The following PRIM2 variants were observed in gnomAD, a reference collection of about 807,000 sequenced individuals.
PRIM2 encodes DNA primase large subunit.
In PRIM2, 39 loss-of-function variants were observed where a neutral mutation model predicts 67.3. That is an observed-to-expected ratio of 0.58 (90% confidence interval 0.45 to 0.76). PRIM2 has a LOEUF of 0.76. Ranked by LOEUF, PRIM2 falls within the 30% of genes least tolerant of loss-of-function variation. The probability of loss-of-function intolerance (pLI) is 0.00; values close to 1 mark genes in which losing one functional copy is unlikely to be tolerated. For missense variants in PRIM2, 398 were observed against 598.7 expected, an observed-to-expected ratio of 0.66 and a Z score of 3.50; for synonymous variants, 143 against 198.7, an observed-to-expected ratio of 0.72 and a Z score of 2.36.
At chr6:57,507,504 AG>A (rs1774274432) in intron 8 of PRIM2, 50 bp downstream of exon 8, 1 of 1,463,514 alleles carries the variant, frequency 6.8e-7, no homozygotes, top group Non-Finnish European at 9.2e-7. Flanking sequence ...AGTGCAGTAA[AG>A]TGAATAAAGT....
intron 12 of PRIM2, among the ~76,000 whole-genome samples, chr6:57,615,418 CT>C (rs1214910269): frequency 2.1e-3 from 213 of 100,868 alleles, no homozygotes; most frequent in African/African-American, 7.9e-3. Context: ...GAGATTCTGT[CT>C]CAAAAAAAAA....
At chr6:57,569,278 G>A (rs1192037215) in intron 10 of PRIM2, among the ~76,000 whole-genome samples, 1 of 152,062 alleles carries the variant, frequency 6.6e-6, no homozygotes, top group Non-Finnish European at 1.5e-5. Flanking sequence ...CGTTGTAGCT[G>A]TTGTTAATTT....
At chr6:57,291,307 T>C in the PRIM2 span, among the ~76,000 whole-genome samples, 1 of 152,228 alleles carries the variant, frequency 6.6e-6, no homozygotes, top group Non-Finnish European at 1.5e-5. Flanking sequence ...CAGGAAGAAG[T>C]TGAATCTTTG....
chr6:57,646,634 G>A lies in PRIM2; in HGVS notation c.*476G>A, dbSNP rs1397274583. On this transcript the variant is annotated 3_prime_UTR_variant, in exon 14 of 14. Transcript: ENST00000615550. ...ACAACAGAGACTTTCACTATATTTT[G>A]CTTTGACAGAAGGAAAGAGGAGGAG... 1.3e-5 allele frequency: 2 copies of A among 152,208 alleles called. No individual in the cohort carries two copies. Among genetic ancestry groups the A allele is most frequent in the African/African-American group, 4.8e-5 (2 of 41,314 alleles). The allele number at this position is 152,208 out of a possible 1,614,324, so 9.4% of individuals were successfully genotyped here. A position where few individuals can be genotyped will look rare whatever the true frequency, so the allele number is the denominator to read the frequency against.
chr6:57,640,716 A>G (rs1302719041), intron 13 of PRIM2, among the ~76,000 whole-genome samples: 1 of 152,200 alleles, frequency 6.6e-6, no homozygotes, highest in Non-Finnish European at 1.5e-5. Context: ...CCACTGCTCA[A>G]GGAAATAAGA....
chr6:57,452,371 A>G (rs1240117179), intron 7 of PRIM2, among the ~76,000 whole-genome samples: 1 of 152,164 alleles, frequency 6.6e-6, no homozygotes, highest in Non-Finnish European at 1.5e-5. Context: ...TGACTTCCAC[A>G]ATGGTTGAAC....
chr6:57,499,713 G>A (rs1774090840), intron 7 of PRIM2, among the ~76,000 whole-genome samples: 1 of 152,116 alleles, frequency 6.6e-6, no homozygotes, highest in Non-Finnish European at 1.5e-5. Flanking sequence ...TTGTTAATCT[G>A]TCTTTTGTTA....
intron 10 of PRIM2, among the ~76,000 whole-genome samples, chr6:57,568,800 G>A (rs1461496587): frequency 7.4e-4 from 112 of 152,288 alleles, no homozygotes; most frequent in Non-Finnish European, 1.4e-3. Flanking sequence ...AACTATGCTG[G>A]TTAAAGCCTG....
the PRIM2 span, among the ~76,000 whole-genome samples, chr6:57,260,482 G>A: frequency 6.6e-6 from 1 of 152,126 alleles, no homozygotes; most frequent in Non-Finnish European, 1.5e-5. Flanking sequence ...TTTCTATGAT[G>A]AGTTTTACAT....
At chr6:57,641,277 A>G (rs1466743220) in intron 13 of PRIM2, among the ~76,000 whole-genome samples, 4 of 152,216 alleles carry the variant, frequency 2.6e-5, no homozygotes, top group Non-Finnish European at 5.9e-5. Context: ...ACCTAAAACC[A>G]TAAAAACCCT....
intron 7 of PRIM2, among the ~76,000 whole-genome samples, chr6:57,414,644 G>A (rs1302819311): frequency 1.3e-5 from 2 of 152,096 alleles, no homozygotes; most frequent in African/African-American, 2.4e-5. Context: ...ATAGCTAGAT[G>A]GTAGTAGCGG....
intron 8 of PRIM2, among the ~76,000 whole-genome samples, chr6:57,512,701 G>A (rs1338451970): frequency 1.3e-5 from 2 of 152,062 alleles, no homozygotes; most frequent in African/African-American, 4.8e-5. Context: ...GGGTTCAAGC[G>A]ATTCTTCTGC....
chr6:57,342,601 C>T (rs1020723520), intron 5 of PRIM2, among the ~76,000 whole-genome samples: 3 of 152,168 alleles, frequency 2.0e-5, no homozygotes, highest in African/African-American at 7.2e-5. Flanking sequence ...CTTTGCAATA[C>T]CAGTGGGTCT....
the PRIM2 span, among the ~76,000 whole-genome samples, chr6:57,241,803 G>A: frequency 6.7e-6 from 1 of 148,496 alleles, no homozygotes; most frequent in Non-Finnish European, 1.5e-5. Context: ...CTCCCAAGTA[G>A]CTGGGACTAC....
chr6:57,285,321 A>G, the PRIM2 span, among the ~76,000 whole-genome samples: 1 of 152,224 alleles, frequency 6.6e-6, no homozygotes, highest in African/African-American at 2.4e-5. Flanking sequence ...CACAACAAAA[A>G]AAGAGAATTT....
At chr6:57,544,499 A>G (rs1483523489) in intron 10 of PRIM2, among the ~76,000 whole-genome samples, 1 of 152,214 alleles carries the variant, frequency 6.6e-6, no homozygotes, top group African/African-American at 2.4e-5. Flanking sequence ...CAGATGTATT[A>G]AGTGAGTCCT....
chr6:57,496,253 ATTATCT>A (rs1774002377), intron 7 of PRIM2, among the ~76,000 whole-genome samples: 1 of 150,596 alleles, frequency 6.6e-6, no homozygotes, highest in African/African-American at 2.4e-5. Context: ...TGCAGAATAG[ATTATCT>A]TTAATGTTTG....
intron 7 of PRIM2, among the ~76,000 whole-genome samples, chr6:57,506,526 A>G (rs1364767943): frequency 3.9e-5 from 6 of 152,094 alleles, no homozygotes; most frequent in African/African-American, 1.2e-4. Flanking sequence ...ATGATTGATT[A>G]GTAAAATATG....
At chr6:57,519,642 A>G (rs1554348678) in intron 8 of PRIM2, among the ~76,000 whole-genome samples, 8 of 152,152 alleles carry the variant, frequency 5.3e-5, no homozygotes, top group Non-Finnish European at 8.8e-5. Context: ...TCAAACACAC[A>G]TGCTGTACAA....
Sources: allele counts gnomAD v4.1 joint callset (sites outside exome capture counted in the v4.1 genomes callset), GRCh38; gene constraint gnomAD v4.1.1; transcripts MANE v1.5; gene names NCBI Gene and HGNC (gene_info 2026-07-23, HGNC 2026-07-21).